The following AUTS2 variants were observed in gnomAD, a reference collection of about 807,000 sequenced individuals.
The protein encoded by AUTS2 is activator of transcription and developmental regulator AUTS2, also known as autism susceptibility gene 2 protein.
AUTS2 carries 17 observed loss-of-function variants against 112.4 expected under a neutral mutation model. That is an observed-to-expected ratio of 0.15 (90% CI 0.10 to 0.23). AUTS2 has a LOEUF of 0.23. AUTS2 is among the 10% of genes least tolerant of loss of function. AUTS2 has a pLI of 1.00. For synonymous variants in AUTS2, 751 were observed against 702.7 expected, an observed-to-expected ratio of 1.07 and a Z score of -1.09; for missense variants, 1,510 against 1,701.6, an observed-to-expected ratio of 0.89 and a Z score of 1.98.
At chr7:69,783,714 A>G (rs946517929) in intron 1 of AUTS2, among the ~76,000 whole-genome samples, 2 of 152,182 alleles carry the variant, frequency 1.3e-5, no homozygotes, top group Non-Finnish European at 2.9e-5. Context: ...CCTAAGAGTA[A>G]CATTTACTGC....
chr7:70,301,711 A>G (rs1789223726), intron 4 of AUTS2, among the ~76,000 whole-genome samples: 1 of 141,202 alleles, frequency 7.1e-6, no homozygotes, highest in East Asian at 2.1e-4. Flanking sequence ...CTATTTAAAC[A>G]CAAACATACA....
intron 4 of AUTS2, among the ~76,000 whole-genome samples, chr7:70,246,182 A>G (rs1402927840): frequency 6.6e-6 from 1 of 152,122 alleles, no homozygotes; most frequent in Non-Finnish European, 1.5e-5. Flanking sequence ...GTGTCTTGTG[A>G]TAAAAAGTTC....
chr7:70,330,134 G>A (rs1790676519), intron 4 of AUTS2, among the ~76,000 whole-genome samples: 1 of 152,138 alleles, frequency 6.6e-6, no homozygotes, highest in Non-Finnish European at 1.5e-5. Flanking sequence ...ACATAGCAAA[G>A]TCCAGTTTAT....
intron 4 of AUTS2, among the ~76,000 whole-genome samples, chr7:70,391,670 AAAT>A (rs1233397095): frequency 1.3e-5 from 2 of 152,106 alleles, no homozygotes; most frequent in African/African-American, 2.4e-5. Context: ...GAATGCTAAA[AAAT>A]AATAACAATA....
chr7:69,880,468 C>T (rs1466482572), intron 1 of AUTS2, among the ~76,000 whole-genome samples: 1 of 152,112 alleles, frequency 6.6e-6, no homozygotes, highest in Non-Finnish European at 1.5e-5. Flanking sequence ...CAGTGAACAC[C>T]ACCATCCTCC....
chr7:70,781,857 T>C, intron 15 of AUTS2, 101 bp downstream of exon 15: 1 of 1,455,266 alleles, frequency 6.9e-7, no homozygotes, highest in Admixed American at 2.2e-5. Flanking sequence ...AGTCACCACC[T>C]ACAAAAATAC....
At chr7:70,595,505 G>A (rs999689629) in intron 5 of AUTS2, among the ~76,000 whole-genome samples, 23 of 151,894 alleles carry the variant, frequency 1.5e-4, no homozygotes, top group African/African-American at 5.1e-4. Context: ...TCGGTGCACT[G>A]CTGTGTATTC....
At chr7:70,667,947 C>A (rs1807431390) in intron 5 of AUTS2, among the ~76,000 whole-genome samples, 1 of 152,178 alleles carries the variant, frequency 6.6e-6, no homozygotes, top group African/African-American at 2.4e-5. Context: ...CACTGGGGGT[C>A]TCCCTAAAAT....
Position 69,599,288 on chromosome 7 carries a change from T to G in AUTS2, c.-366T>G. On this transcript the variant is annotated 5_prime_UTR_variant, in exon 1 of 19. The change creates a new upstream start codon in the 5' untranslated region. Coordinates refer to ENST00000342771, the MANE Select transcript of AUTS2 (RefSeq NM_015570.4). The surrounding 1 kb of genome is among the most constrained non-coding windows in gnomAD (Gnocchi z 7.0). ...GATCAAAGCATTCCGCTATTCTGAT[T>G]TATTGCTTGCTTGGTGAGTTATTTT... 5.6e-6 allele frequency: 1 copy of G among 177,644 alleles called. No individual in the cohort carries two copies. Among genetic ancestry groups the G allele is most frequent in the Non-Finnish European group, 1.2e-5 (1 of 84,790 alleles). 11.0% of individuals were successfully genotyped at this position (177,644 alleles called of 1,614,324 possible). A position where few individuals can be genotyped will look rare whatever the true frequency, so the allele number is the denominator to read the frequency against.
rs145334260 is a variant in AUTS2 at position 70,036,323 on chromosome 7, A to T, written c.523-81809A>T. Among the ~76,000 whole-genome samples the T allele has an allele frequency of 8.6e-3, 1,315 of 152,356 alleles. 12 individuals carry two copies. The highest frequency in any genetic ancestry group is 0.027 in the Middle Eastern group (8 of 294). ...GGGAAATCTATGAGAACTTTTAAGT[A>T]ACAACAATATGGGAATCATACTTGA... On this transcript the variant is annotated intron_variant, in intron 2 of 18. Transcript: ENST00000342771.
At chr7:69,745,967 G>A (rs1787478654) in intron 1 of AUTS2, among the ~76,000 whole-genome samples, 3 of 152,088 alleles carry the variant, frequency 2.0e-5, no homozygotes, top group Non-Finnish European at 4.4e-5. Flanking sequence ...TTGAGCTCCT[G>A]GGCTCAAGTG....
At chr7:70,763,944 T>C (rs1218615321) in intron 7 of AUTS2, among the ~76,000 whole-genome samples, 1 of 152,082 alleles carries the variant, frequency 6.6e-6, no homozygotes, top group Non-Finnish European at 1.5e-5. Context: ...CTGTCTTGTT[T>C]TTGCCAAGTT....
At chr7:69,601,309 G>A (rs910417506) in intron 1 of AUTS2, among the ~76,000 whole-genome samples, 2 of 150,664 alleles carry the variant, frequency 1.3e-5, no homozygotes, top group Non-Finnish European at 3.0e-5. Context: ...TTTTTTTTGC[G>A]TTATTATGGT....
intron 2 of AUTS2, among the ~76,000 whole-genome samples, chr7:69,953,531 G>GTTGAGTAGAAAA (rs1797106260): frequency 6.6e-6 from 1 of 152,152 alleles, no homozygotes; most frequent in African/African-American, 2.4e-5. Flanking sequence ...CATTCTGATG[G>GTTGAGTAGAAAA]TTGAGTAGAA....
intron 6 of AUTS2, among the ~76,000 whole-genome samples, chr7:70,699,752 G>A (rs1218324713): frequency 6.6e-6 from 1 of 152,104 alleles, no homozygotes; most frequent in Non-Finnish European, 1.5e-5. Context: ...CTGAAAGTTT[G>A]TATAAATGTG....
rs544316178 is a variant in AUTS2 at position 70,411,744 on chromosome 7, T to C, written c.661-24008T>C. Among the ~76,000 whole-genome samples the C allele has an allele frequency of 4.6e-5, 7 of 152,248 alleles. No individual in the cohort carries two copies. In the South Asian group the frequency reaches 1.5e-3, roughly 32 times the overall value. On this transcript the variant is annotated intron_variant, in intron 4 of 18. Transcript: ENST00000342771. ...ACAGACAGTTATTGGGAACCTACTA[T>C]GTGCTCACAGACCATAGGGGAATAT...
intron 2 of AUTS2, among the ~76,000 whole-genome samples, chr7:70,050,597 A>G (rs1437262536): frequency 6.6e-6 from 1 of 152,004 alleles, no homozygotes; most frequent in Non-Finnish European, 1.5e-5. Flanking sequence ...AGGCATATGG[A>G]TATTAAATAT....
intron 1 of AUTS2, among the ~76,000 whole-genome samples, chr7:69,872,264 T>G (rs1487149189): frequency 6.6e-6 from 1 of 152,204 alleles, no homozygotes; most frequent in Non-Finnish European, 1.5e-5. Flanking sequence ...AAAGCATGAA[T>G]TATCTCTTAC....
chr7:70,622,840 C>T (rs747768497), intron 5 of AUTS2, among the ~76,000 whole-genome samples: 24 of 152,250 alleles, frequency 1.6e-4, no homozygotes, highest in African/African-American at 5.1e-4. Flanking sequence ...AACCATTGGC[C>T]GCTGATACTC....
Sources: allele counts gnomAD v4.1 joint callset (sites outside exome capture counted in the v4.1 genomes callset), GRCh38; gene constraint gnomAD v4.1.1; non-coding constraint Gnocchi (gnomAD v3.1); transcripts MANE v1.5; gene names NCBI Gene and HGNC (gene_info 2026-07-23, HGNC 2026-07-21).